RAPH1: variants seen among roughly 807,000 people sequenced by gnomAD.
The protein encoded by RAPH1 is ras-associated and pleckstrin homology domains-containing protein 1.
Under a neutral mutation model 88.1 loss-of-function variants are expected in RAPH1, and 18 were observed. The ratio of observed to expected loss-of-function variants is 0.20; its 90% confidence interval spans 0.14 to 0.30. RAPH1 has a LOEUF of 0.30. RAPH1 is among the 10% of genes least tolerant of loss of function. RAPH1 has a pLI of 1.00. For missense variants in RAPH1, 1,448 were observed against 1,543.2 expected (o/e 0.94, Z 1.03); for synonymous variants, 587 against 559.0 (o/e 1.05, Z -0.71).
chr2:203,481,612 G>A (rs1687725820), intron 4 of RAPH1, among the ~76,000 whole-genome samples: 1 of 140,642 alleles, frequency 7.1e-6, no homozygotes, highest in African/African-American at 2.7e-5. Flanking sequence ...TTTTTTTTGA[G>A]ATGGAGGCTC....
At chr2:203,462,068 C>G (rs567805020) in intron 4 of RAPH1, 143 bp from the exon 5 acceptor site, 1 of 520,574 alleles carries the variant, frequency 1.9e-6, no homozygotes, top group South Asian at 4.8e-5. Flanking sequence ...AATAACTGTT[C>G]ACAAAGAGCA....
At chr2:203,473,261 G>A (rs982509168) in intron 4 of RAPH1, among the ~76,000 whole-genome samples, 3 of 152,106 alleles carry the variant, frequency 2.0e-5, no homozygotes, top group Non-Finnish European at 2.9e-5. Context: ...ATTCCAGCCT[G>A]GGCAACAGAG....
chr2:203,473,762 A>C (rs887275037), intron 4 of RAPH1, among the ~76,000 whole-genome samples: 4 of 152,202 alleles, frequency 2.6e-5, no homozygotes, highest in African/African-American at 9.6e-5. Flanking sequence ...ATACAGCTTC[A>C]TATAAACAGG....
intron 1 of RAPH1, chr2:203,533,413 A>G (rs1581425687): frequency 2.0e-5 from 3 of 152,206 alleles, no homozygotes; most frequent in East Asian, 3.8e-4. Flanking sequence ...CACAAAAAGC[A>G]AAATAACGGA....
At chr2:203,479,110 A>G (rs1687605267) in intron 4 of RAPH1, among the ~76,000 whole-genome samples, 1 of 152,250 alleles carries the variant, frequency 6.6e-6, no homozygotes, top group Admixed American at 6.5e-5. Flanking sequence ...AAATATAGAC[A>G]CAGAAAAATA....
At position 203,495,282 on chromosome 2, in the gene RAPH1, C is replaced by T. The variant is rs1688462494; in HGVS notation, c.72G>A (p.Leu24=). The part of the protein sequence containing the change: ...EEDSDKEDQD[L]DKMFGAWLGE... ...CAAGCCAGGCTCCAAACATTTTGTC[C>T]AGGTCCTGATCTTCCTTGTCACTGT... The change falls in exon 2 of 14, where the codon CTG becomes CTA. Residue 24 remains leucine (L), a synonymous_variant. Coordinates refer to ENST00000319170, the MANE Select transcript of RAPH1 (RefSeq NM_213589.3). 4 of 1,613,994 alleles carry T rather than the reference C, an allele frequency of 2.5e-6. No homozygotes were observed. In the African/African-American group the frequency reaches 4.0e-5, roughly 16 times the overall value.
Position 203,454,499 on chromosome 2 carries a change from G to A in RAPH1, c.1344C>T (p.Val448=). 1 of 1,613,708 alleles carries A rather than the reference G, an allele frequency of 6.2e-7. No homozygotes were observed. The highest frequency in any genetic ancestry group is 8.5e-7 in the Non-Finnish European group (1 of 1,179,872). ...GATAGTCCTGGCCATAATAAACGTT[G>A]ACATGATCCAGCTGGAGAAAGCACA... ...DLVCFLQLDH[V]NVYYGQDYRN... Residue 448 remains valine (V), a synonymous_variant, in exon 10 of 14, where the codon GTC becomes GTT. Transcript: ENST00000319170.
chr2:203,508,427 C>T (rs909243868), intron 1 of RAPH1, among the ~76,000 whole-genome samples: 3 of 152,074 alleles, frequency 2.0e-5, no homozygotes, highest in Non-Finnish European at 2.9e-5. Flanking sequence ...GCCACCACGC[C>T]TGGCCTTGAG....
chr2:203,451,310 T>C (rs1326652217), intron 10 of RAPH1, among the ~76,000 whole-genome samples: 1 of 152,168 alleles, frequency 6.6e-6, no homozygotes, highest in Non-Finnish European at 1.5e-5. Context: ...TTACATATTA[T>C]TATCTCCATG....
rs1055346256 is a variant in RAPH1, at chr2:203,531,104, A to G, written c.-1+4007T>C. On this transcript the variant is annotated intron_variant, in intron 1 of 13. Transcript: ENST00000319170. ...TCCCAAATGGATCAAAGACCTAAAC[A>G]TAAGAGTTGAAACTATAAAACTCCT... Among the ~76,000 whole-genome samples, 6 of 152,226 alleles carry G rather than the reference A, an allele frequency of 3.9e-5. No homozygotes were observed. The East Asian group carries it at 9.6e-4, about 24-fold the overall frequency.
intron 1 of RAPH1, among the ~76,000 whole-genome samples, chr2:203,505,624 T>G (rs1688953865): frequency 6.6e-6 from 1 of 152,196 alleles, no homozygotes; most frequent in African/African-American, 2.4e-5. Flanking sequence ...TATAATTAAC[T>G]ATTACACAAT....
chr2:203,460,172 T>C, intron 6 of RAPH1, 144 bp from the exon 7 acceptor site: 1 of 661,964 alleles, frequency 1.5e-6, no homozygotes, highest in Non-Finnish European at 2.5e-6. Flanking sequence ...TATTCCCTAA[T>C]TTTTCAAACA....
chr2:203,447,886 C>T, intron 12 of RAPH1, 73 bp downstream of exon 12: 4 of 1,463,814 alleles, frequency 2.7e-6, no homozygotes, highest in South Asian at 1.3e-5. Flanking sequence ...TTGAAATTTC[C>T]AGGTCTACTA....
chr2:203,506,826 A>ATATATATATC (rs1689065282), intron 1 of RAPH1, among the ~76,000 whole-genome samples: 1 of 24,220 alleles, frequency 4.1e-5, no homozygotes, highest in Non-Finnish European at 8.3e-5. Flanking sequence ...ATATCTATAT[A>ATATATATATC]TATATCTATA....
rs537530698 is a variant in RAPH1, at chr2:203,451,941, A to G, written c.1413+2489T>C. Among the ~76,000 whole-genome samples the G allele has an allele frequency of 7.2e-5, 11 of 152,358 alleles. 1 individual carries two copies. The South Asian group carries it at 2.1e-3, about 29-fold the overall frequency. ...TTCTGTGAAATAGTTCCTTCCTCTT[A>G]TAAAAGACAAATACAGGGAGCAATA... On this transcript the variant is annotated intron_variant, in intron 10 of 13. Coordinates refer to ENST00000319170, the MANE Select transcript of RAPH1 (RefSeq NM_213589.3).
chr2:203,523,908 G>A (rs868022270), intron 1 of RAPH1, among the ~76,000 whole-genome samples: 1 of 152,158 alleles, frequency 6.6e-6, no homozygotes, highest in Admixed American at 6.5e-5. Flanking sequence ...GGAGGCTGGG[G>A]CAGGAGAATC....
At chr2:203,509,256 G>C (rs570695307) in intron 1 of RAPH1, among the ~76,000 whole-genome samples, 115 of 151,700 alleles carry the variant, frequency 7.6e-4, no homozygotes, top group African/African-American at 2.6e-3. Context: ...TTTTTATAGA[G>C]ATGAGATTTT....
At chr2:203,510,518 C>T (rs1168524642) in intron 1 of RAPH1, among the ~76,000 whole-genome samples, 2 of 151,930 alleles carry the variant, frequency 1.3e-5, no homozygotes, top group Non-Finnish European at 2.9e-5. Context: ...AGGGTGGCAT[C>T]CCCCAGGCAA....
At chr2:203,491,584 A>T (rs1688270798) in intron 2 of RAPH1, among the ~76,000 whole-genome samples, 1 of 152,154 alleles carries the variant, frequency 6.6e-6, no homozygotes, top group African/African-American at 2.4e-5. Flanking sequence ...GCCGTGCCAC[A>T]AGCTTGGCTC....
Sources: allele counts gnomAD v4.1 joint callset (sites outside exome capture counted in the v4.1 genomes callset), GRCh38; gene constraint gnomAD v4.1.1; transcripts MANE v1.5; gene names NCBI Gene and HGNC (gene_info 2026-07-23, HGNC 2026-07-21).